The following RAVER2 variants were observed in gnomAD, a reference collection of about 807,000 sequenced individuals.
RAVER2 encodes ribonucleoprotein, PTB binding 2.
Under a neutral mutation model 78.1 loss-of-function variants are expected in RAVER2, and 46 were observed. The observed-to-expected ratio is 0.59, with a 90% CI of 0.46 to 0.75. The LOEUF is 0.75. Ranked by LOEUF, RAVER2 falls within the 30% of genes least tolerant of loss-of-function variation. The pLI, the probability that RAVER2 is intolerant of heterozygous loss-of-function variation, is 0.00. For synonymous variants in RAVER2, 311 were observed against 313.3 expected (o/e 0.99, Z 0.08); for missense variants, 793 against 837.5 (o/e 0.95, Z 0.66).
intron 4 of RAVER2, among the ~76,000 whole-genome samples, chr1:64,782,184 G>A (rs1021454857): frequency 6.6e-6 from 1 of 152,170 alleles, no homozygotes; most frequent in Non-Finnish European, 1.5e-5. Context: ...GATTACAGGC[G>A]TGAGCCACCG....
chr1:64,805,242 T>G, intron 8 of RAVER2, 137 bp downstream of exon 8: 1 of 748,668 alleles, frequency 1.3e-6, no homozygotes, highest in Non-Finnish European at 2.1e-6. Flanking sequence ...TTGAGAACCC[T>G]CTTGGCTTTT....
chr1:64,766,700 G>A (rs2100820765), intron 1 of RAVER2, among the ~76,000 whole-genome samples: 1 of 152,198 alleles, frequency 6.6e-6, no homozygotes, highest in South Asian at 2.1e-4. Flanking sequence ...GCAGTATCAT[G>A]TTTTCTTTAT....
exon 12 of RAVER2, chr1:64,832,522 G>A (rs1654179789): frequency 6.6e-6 from 1 of 152,148 alleles, no homozygotes; most frequent in South Asian, 2.1e-4. Flanking sequence ...CTCAATCCGG[G>A]GCTTTTTGAA....
In RAVER2 at chr1:64,745,447, G is replaced by T; in HGVS notation, c.249+26G>T. 1 of 1,508,278 alleles carries T rather than the reference G, an allele frequency of 6.6e-7. No homozygotes were observed. The highest frequency in any genetic ancestry group is 2.6e-5 in the East Asian group (1 of 37,828). 93.4% of individuals were successfully genotyped at this position (1,508,278 alleles called of 1,614,324 possible). A position where few individuals can be genotyped will look rare whatever the true frequency, so the allele number is the denominator to read the frequency against. ...GTACTGGGACGGTGATAGGGGCGAC[G>T]CGTCCCGAGGGGCGGCGGGGCGGCG... is the stretch of plus-strand genomic sequence containing the variant. On this transcript the variant is annotated intron_variant, in intron 1 of 11. Transcript: ENST00000294428. The surrounding 1 kb of genome is among the most constrained non-coding windows in gnomAD (Gnocchi z 4.3).
intron 1 of RAVER2, among the ~76,000 whole-genome samples, chr1:64,752,453 T>C (rs1380944629): frequency 6.6e-6 from 1 of 152,228 alleles, no homozygotes; most frequent in African/African-American, 2.4e-5. Context: ...CAAATCTTTG[T>C]AGATAGTCTC....
At chr1:64,830,942 C>T (rs1654112613) in exon 12 of RAVER2, 1 of 1,613,764 alleles carries the variant, frequency 6.2e-7, no homozygotes, top group East Asian at 2.2e-5. Flanking sequence ...GGCACAGGAG[C>T]ATATTACATG....
chr1:64,772,476 C>T (rs762340120), intron 2 of RAVER2, among the ~76,000 whole-genome samples: 12 of 152,070 alleles, frequency 7.9e-5, no homozygotes, highest in Non-Finnish European at 1.5e-4. Flanking sequence ...AATTAGGGAG[C>T]TCACAGTTTA....
intron 9 of RAVER2, among the ~76,000 whole-genome samples, chr1:64,808,800 C>T (rs909753861): frequency 1.3e-5 from 2 of 152,074 alleles, no homozygotes; most frequent in African/African-American, 2.4e-5. Context: ...AATTTATCTG[C>T]AGTGTTCATT....
intron 1 of RAVER2, among the ~76,000 whole-genome samples, chr1:64,758,540 C>T (rs1651916483): frequency 6.6e-6 from 1 of 152,088 alleles, no homozygotes; most frequent in Non-Finnish European, 1.5e-5. Context: ...ATGGAGTGGG[C>T]ATGGGCAAGG....
At chr1:64,799,617 T>C (rs374729202) in intron 5 of RAVER2, among the ~76,000 whole-genome samples, 1 of 151,980 alleles carries the variant, frequency 6.6e-6, no homozygotes, top group East Asian at 1.9e-4. Context: ...TATTTTTGTA[T>C]TTTTTAGTAG....
intron 11 of RAVER2, among the ~76,000 whole-genome samples, chr1:64,822,502 A>G (rs1007214996): frequency 2.6e-5 from 4 of 152,206 alleles, no homozygotes; most frequent in Non-Finnish European, 5.9e-5. Context: ...TGAGAAACTG[A>G]AAGAAAAGAG....
rs553115382 is a variant in RAVER2, at chr1:64,774,187, C to T, written c.317-3436C>T. ...GCAGAAGCTCTTTAGTTTAATTAGACCCCATTTGTCAATTTTGGCTTTTGT... is the reference window on the plus strand; with the variant it reads ...GCAGAAGCTCTTTAGTTTAATTAGATCCCATTTGTCAATTTTGGCTTTTGT... On this transcript the variant is annotated intron_variant, in intron 2 of 11. Transcript: ENST00000294428. Among the ~76,000 whole-genome samples the T allele has an allele frequency of 2.0e-5, 3 of 152,180 alleles. No homozygotes were observed. The East Asian group carries it at 5.8e-4, about 29-fold the overall frequency.
chr1:64,801,501 T>C (rs944837171), intron 5 of RAVER2, among the ~76,000 whole-genome samples: 1 of 149,112 alleles, frequency 6.7e-6, no homozygotes, highest in African/African-American at 2.5e-5. Context: ...CTATATTATC[T>C]ATTCTAAAAA....
chr1:64,791,657 T>C (rs1652944733), intron 5 of RAVER2, among the ~76,000 whole-genome samples: 1 of 152,184 alleles, frequency 6.6e-6, no homozygotes, highest in African/African-American at 2.4e-5. Flanking sequence ...AGATATCTCT[T>C]TTACAATTTT....
intron 11 of RAVER2, among the ~76,000 whole-genome samples, chr1:64,820,035 AG>A (rs1292397429): frequency 1.1e-4 from 17 of 152,214 alleles, no homozygotes; most frequent in African/African-American, 4.1e-4. Context: ...ATATAGATAT[AG>A]TATATTTGAT....
intron 1 of RAVER2, among the ~76,000 whole-genome samples, chr1:64,755,858 A>G (rs758446300): frequency 6.7e-6 from 1 of 148,886 alleles, no homozygotes; most frequent in Non-Finnish European, 1.5e-5. Context: ...TGTTTTAAGT[A>G]TAGCGTAAAG....
chr1:64,818,780 T>C (rs1653815609), intron 11 of RAVER2, among the ~76,000 whole-genome samples: 1 of 152,114 alleles, frequency 6.6e-6, no homozygotes, highest in South Asian at 2.1e-4. Context: ...AGCAAGGCTG[T>C]TAAGTGAAGG....
At chr1:64,787,025 CTAT>C (rs1288317654) in intron 4 of RAVER2, among the ~76,000 whole-genome samples, 6 of 152,046 alleles carry the variant, frequency 3.9e-5, no homozygotes, top group African/African-American at 1.5e-4. Flanking sequence ...GTGAGGGCTG[CTAT>C]TATTTTTCCT....
intron 4 of RAVER2, 143 bp from the exon 5 acceptor site, chr1:64,789,245 A>G: frequency 1.5e-6 from 1 of 676,794 alleles, no homozygotes; most frequent in East Asian, 3.6e-5. Flanking sequence ...GAGAGTATAA[A>G]ATAGATATAT....
Sources: allele counts gnomAD v4.1 joint callset (sites outside exome capture counted in the v4.1 genomes callset), GRCh38; gene constraint gnomAD v4.1.1; non-coding constraint Gnocchi (gnomAD v3.1); transcripts MANE v1.5; gene names NCBI Gene and HGNC (gene_info 2026-07-23, HGNC 2026-07-21).